The following CDS2 variants were observed in gnomAD, a reference collection of about 807,000 sequenced individuals.
CDS2 encodes the protein phosphatidate cytidylyltransferase 2.
In CDS2, 47 loss-of-function variants were observed where a neutral mutation model predicts 59.0. That is an observed-to-expected ratio of 0.80 (90% CI 0.63 to 1.02). The LOEUF is 1.02. CDS2 is among the 50% of genes least tolerant of loss of function. CDS2 has a pLI of 0.00. For missense variants in CDS2, 356 were observed against 558.9 expected, an observed-to-expected ratio of 0.64 and a Z score of 3.66; for synonymous variants, 207 against 206.4, an observed-to-expected ratio of 1.00 and a Z score of -0.02.
chr20:5,169,115 T>C (rs183565476), intron 1 of CDS2, among the ~76,000 whole-genome samples: 446 of 152,338 alleles, frequency 2.9e-3, no homozygotes, highest in Middle Eastern at 0.01. Context: ...TCTTGTTTCC[T>C]GTTTATACCA....
At chr20:5,138,200 C>T (rs2090664100) in intron 1 of CDS2, among the ~76,000 whole-genome samples, 1 of 150,650 alleles carries the variant, frequency 6.6e-6, no homozygotes, top group South Asian at 2.1e-4. Context: ...GATCCTCTTT[C>T]CTCAGCCTCC....
chr20:5,128,424 C>G (rs2090574317), intron 1 of CDS2: 3 of 152,160 alleles, frequency 2.0e-5, no homozygotes, highest in Admixed American at 2.0e-4. Context: ...TTTTAAACAA[C>G]TTTCGTGTTA....
At position 5,185,831 on chromosome 20, in the gene CDS2, G is replaced by A. The variant is rs769124841; in HGVS notation, c.828+5G>A. 1 of 1,614,106 alleles carries A rather than the reference G, an allele frequency of 6.2e-7. No homozygotes were observed. ...ACTGTGGTGTTTGGCCTTCTGGTAG[G>A]TGGTGGCTTTCAGCTGTGTAAGGGA... On this transcript the variant is annotated splice_donor_5th_base_variant and intron_variant, in intron 9 of 12. Coordinates refer to ENST00000460006, the MANE Select transcript of CDS2 (RefSeq NM_003818.4).
At chr20:5,168,420 A>G (rs77491521) in intron 1 of CDS2, among the ~76,000 whole-genome samples, 2 of 134,672 alleles carry the variant, frequency 1.5e-5, no homozygotes, top group Middle Eastern at 3.7e-3. Flanking sequence ...GTCCCCCCAA[A>G]AAAAAAAAAA....
rs1202735810 is a variant in CDS2 at position 5,133,008 on chromosome 20, T to TGC, written c.57+5859_57+5860insGC. ...TAAGACGGCAAAACCCCTTCTCTAC[T>TGC]ACAAAAAAAAAAAAAAATTAGCTGG... On this transcript the variant is annotated intron_variant, in intron 1 of 12. Transcript: ENST00000460006. Among the ~76,000 whole-genome samples the TGC allele has an allele frequency of 1.6e-3, 212 of 133,924 alleles. 1 individual carries two copies. The highest frequency in any genetic ancestry group is 6.5e-3 in the African/African-American group (203 of 31,072). 87.9% of individuals were successfully genotyped at this position (133,924 alleles called of 152,430 possible). A position where few individuals can be genotyped will look rare whatever the true frequency, so the allele number is the denominator to read the frequency against.
intron 1 of CDS2, among the ~76,000 whole-genome samples, chr20:5,166,631 C>T (rs2090915506): frequency 6.6e-6 from 1 of 152,134 alleles, no homozygotes; most frequent in Non-Finnish European, 1.5e-5. Flanking sequence ...GCTAAAGATG[C>T]CTGGCCAGAG....
chr20:5,181,734 T>C (rs924936233), intron 5 of CDS2, among the ~76,000 whole-genome samples: 1 of 152,344 alleles, frequency 6.6e-6, no homozygotes, highest in Middle Eastern at 3.4e-3. Flanking sequence ...ACACCTAGGC[T>C]ATAATGTGTA....
At chr20:5,133,097 C>T (rs972856524) in intron 1 of CDS2, among the ~76,000 whole-genome samples, 3 of 152,092 alleles carry the variant, frequency 2.0e-5, no homozygotes, top group African/African-American at 7.2e-5. Context: ...ATGGCGTGAA[C>T]CCGGGAGGCG....
At chr20:5,189,271 A>C in intron 11 of CDS2, 85 bp downstream of exon 11, 1 of 1,460,098 alleles carries the variant, frequency 6.8e-7, no homozygotes, top group Non-Finnish European at 9.6e-7. Flanking sequence ...CCTCCAAAAT[A>C]CTAGGCTGTA....
chr20:5,163,160 G>A (rs1471658240), intron 1 of CDS2, among the ~76,000 whole-genome samples: 1 of 152,220 alleles, frequency 6.6e-6, no homozygotes, highest in African/African-American at 2.4e-5. Flanking sequence ...CCTGGGCAAT[G>A]TAGAGAGGCT....
At chr20:5,163,791 CTTTTTTTTTT>C (rs397866016) in intron 1 of CDS2, among the ~76,000 whole-genome samples, 1 of 47,946 alleles carries the variant, frequency 2.1e-5, no homozygotes, top group South Asian at 1.2e-3. Flanking sequence ...TTCTTTCTTT[CTTTTTTTTTT>C]TTTTTTTGAA....
intron 1 of CDS2, among the ~76,000 whole-genome samples, chr20:5,151,527 GA>G (rs1300198412): frequency 6.6e-6 from 1 of 152,154 alleles, no homozygotes; most frequent in Non-Finnish European, 1.5e-5. Flanking sequence ...TTGGGAGGCT[GA>G]AGTGGGAGGA....
Position 5,190,558 on chromosome 20 carries a change from GC to G in CDS2, c.*329del, listed in dbSNP as rs1240346809. On this transcript the variant is annotated 3_prime_UTR_variant, in exon 13 of 13. Coordinates refer to ENST00000460006, the MANE Select transcript of CDS2 (RefSeq NM_003818.4). ...CAGGAGTGTTTTCTTGGTGGTTCCA[GC>G]CCCCATCAATTGAACTGTTTCTGGG... 1 of 183,606 alleles carries G rather than the reference GC, an allele frequency of 5.4e-6. No individual in the cohort carries two copies. Among genetic ancestry groups the G allele is most frequent in the Non-Finnish European group, 1.1e-5 (1 of 88,392 alleles). 11.4% of individuals were successfully genotyped at this position (183,606 alleles called of 1,614,324 possible).
chr20:5,188,729 C>G (rs1459703149), intron 10 of CDS2, among the ~76,000 whole-genome samples: 1 of 152,178 alleles, frequency 6.6e-6, no homozygotes, highest in Non-Finnish European at 1.5e-5. Flanking sequence ...TGCCTGGCTT[C>G]TGGTGAGGGC....
chr20:5,131,990 C>T (rs2122943695), intron 1 of CDS2, among the ~76,000 whole-genome samples: 1 of 152,254 alleles, frequency 6.6e-6, no homozygotes, highest in East Asian at 1.9e-4. Context: ...GTGATTAAAT[C>T]TTCAAGTTAT....
At chr20:5,142,315 T>C (rs1568529509) in intron 1 of CDS2, among the ~76,000 whole-genome samples, 1 of 151,980 alleles carries the variant, frequency 6.6e-6, no homozygotes, top group Non-Finnish European at 1.5e-5. Flanking sequence ...GGCATGATGG[T>C]GCATGCCTGT....
intron 5 of CDS2, among the ~76,000 whole-genome samples, chr20:5,180,468 A>G (rs2091025993): frequency 6.6e-6 from 1 of 152,084 alleles, no homozygotes; most frequent in African/African-American, 2.4e-5. Flanking sequence ...TTTAGATCAT[A>G]TAGGGTAATT....
intron 1 of CDS2, among the ~76,000 whole-genome samples, chr20:5,151,503 G>T (rs774408367): frequency 4.6e-4 from 70 of 152,248 alleles, no homozygotes; most frequent in Non-Finnish European, 8.2e-4. Flanking sequence ...GTATGTACCT[G>T]TAGTCTCAGC....
intron 1 of CDS2, among the ~76,000 whole-genome samples, chr20:5,146,620 G>A (rs369089890): frequency 6.6e-6 from 1 of 152,152 alleles, no homozygotes; most frequent in African/African-American, 2.4e-5. Flanking sequence ...GGATGTTGCT[G>A]TTATTTATGA....
Sources: gnomAD v4.1 joint callset for allele counts (sites outside exome capture counted in the v4.1 genomes callset) on GRCh38, gnomAD v4.1.1 for gene constraint, MANE v1.5 for transcripts, NCBI Gene and HGNC (gene_info 2026-07-23, HGNC 2026-07-21) for gene names.